Variants in CCNG1 observed in about 807,000 individuals in gnomAD.
The protein encoded by CCNG1 is cyclin-G1.
Under a neutral mutation model 30.0 loss-of-function variants are expected in CCNG1, and 13 were observed. That is an observed-to-expected ratio of 0.43 (90% CI 0.28 to 0.69). The LOEUF (loss-of-function observed/expected upper bound fraction) is 0.69. CCNG1 is among the 30% of genes least tolerant of loss of function. CCNG1 has a pLI of 0.16. For synonymous variants in CCNG1, 110 were observed against 121.5 expected (o/e 0.91, Z 0.62); for missense variants, 285 against 331.4 (o/e 0.86, Z 1.09).
chr5:163,449,171 A>T (rs1247798339), downstream of CCNG1: 2 of 152,216 alleles, frequency 1.3e-5, no homozygotes, highest in Non-Finnish European at 2.9e-5. Flanking sequence ...TGAGTTAACA[A>T]CAAAATCAGG....
In CCNG1 at chr5:163,444,301, A is replaced by G. The variant is rs1355619120; in HGVS notation, c.*631A>G. On this transcript the variant is annotated 3_prime_UTR_variant, in exon 7 of 7. Transcript: ENST00000340828. ...AAAATACAGACCTATAAAGTTTGGC[A>G]TATTCATTAAGTTATCTTTTAATAT... is the stretch of plus-strand genomic sequence containing the variant. 1.3e-5 allele frequency: 2 copies of G among 152,696 alleles called. No individual in the cohort carries two copies. Among genetic ancestry groups the G allele is most frequent in the South Asian group, 2.1e-4 (1 of 4,832 alleles). The allele number at this position is 152,696 out of a possible 1,614,324, so 9.5% of individuals were successfully genotyped here. A position where few individuals can be genotyped will look rare whatever the true frequency, so the allele number is the denominator to read the frequency against.
intron 2 of CCNG1, among the ~76,000 whole-genome samples, chr5:163,439,999 G>C (rs985648832): frequency 3.3e-5 from 5 of 151,764 alleles, no homozygotes; most frequent in African/African-American, 1.2e-4. Flanking sequence ...TGTACATGCA[G>C]TAGGGAGGAG....
At chr5:163,453,368 G>T in the CCNG1 span, 1 of 152,000 alleles carries the variant, frequency 6.6e-6, no homozygotes, top group Admixed American at 6.6e-5. Context: ...CTTCTCTTTT[G>T]TGTTAATCCA....
intron 6 of CCNG1, 95 bp from the exon 7 acceptor site, chr5:163,443,579 G>C (rs1345135295): frequency 4.4e-6 from 3 of 674,698 alleles, no homozygotes; most frequent in Non-Finnish European, 7.8e-6. Flanking sequence ...ATGTGATTAT[G>C]AATATTAGAT....
chr5:163,457,337 G>A, the CCNG1 span, among the ~76,000 whole-genome samples: 6 of 151,972 alleles, frequency 3.9e-5, no homozygotes, highest in South Asian at 2.1e-4. Flanking sequence ...TTGCCATGTT[G>A]GCCAGGGTGG....
intron 1 of CCNG1, among the ~76,000 whole-genome samples, chr5:163,438,237 C>T (rs10476439): frequency 2.1e-3 from 323 of 152,184 alleles, no homozygotes; most frequent in African/African-American, 7.5e-3. Flanking sequence ...CACCGCACCC[C>T]CCCGCCCCAA....
the CCNG1 span, chr5:163,452,354 A>G: frequency 6.6e-6 from 1 of 152,206 alleles, no homozygotes; most frequent in Non-Finnish European, 1.5e-5. Flanking sequence ...CGAGGACAGC[A>G]TGAGAAGCCT....
chr5:163,447,509 C>A (rs952146360), downstream of CCNG1: 2 of 150,630 alleles, frequency 1.3e-5, no homozygotes, highest in African/African-American at 4.9e-5. Context: ...GACAAATCTT[C>A]ATTTACAGTT....
At chr5:163,457,433 A>G in the CCNG1 span, 1 of 654,894 alleles carries the variant, frequency 1.5e-6, no homozygotes, top group Non-Finnish European at 2.7e-6. Context: ...TTGACATACA[A>G]CGGTTTTCAA....
chr5:163,443,126 G>A (rs1757903057), intron 6 of CCNG1, among the ~76,000 whole-genome samples: 1 of 152,028 alleles, frequency 6.6e-6, no homozygotes. Flanking sequence ...TGGCCAACAT[G>A]GTGAAACCCC....
downstream of CCNG1, chr5:163,450,613 G>C (rs1417377680): frequency 6.6e-6 from 1 of 152,176 alleles, no homozygotes; most frequent in Non-Finnish European, 1.5e-5. Flanking sequence ...AAACTAGATA[G>C]AGATCCCATT....
At chr5:163,454,372 G>A in the CCNG1 span, among the ~76,000 whole-genome samples, 1 of 151,874 alleles carries the variant, frequency 6.6e-6, no homozygotes, top group Non-Finnish European at 1.5e-5. Flanking sequence ...ACGGAGTTTC[G>A]CTCTTGTTGC....
At position 163,444,632 on chromosome 5, in the gene CCNG1, C is replaced by A. The variant is rs1277031750; in HGVS notation, c.*962C>A. On this transcript the variant is annotated 3_prime_UTR_variant, in exon 7 of 7. Coordinates refer to ENST00000340828, the MANE Select transcript of CCNG1 (RefSeq NM_004060.4). ...AATCTTAAGAAAAGCAAGTAGACAC[C>A]TTCATAACTATGAATGAAGCTGCTG... 1 of 152,588 alleles carries A rather than the reference C, an allele frequency of 6.6e-6. No individual in the cohort carries two copies. Among genetic ancestry groups the A allele is most frequent in the African/African-American group, 2.4e-5 (1 of 41,444 alleles). The allele number at this position is 152,588 out of a possible 1,614,324, so 9.5% of individuals were successfully genotyped here. A position where few individuals can be genotyped will look rare whatever the true frequency, so the allele number is the denominator to read the frequency against.
At chr5:163,445,620 A>ATTTTTTTTTTT (rs56065634), downstream of CCNG1, among the ~76,000 whole-genome samples, 1,827 of 107,784 alleles carry the variant, frequency 0.017, 13 homozygotes, top group Non-Finnish European at 0.024. Context: ...CACCCAGCTA[A>ATTTTTTTTTTT]TTTTTTTTTT....
the CCNG1 span, among the ~76,000 whole-genome samples, chr5:163,456,490 CAAG>C: frequency 1.3e-5 from 2 of 151,784 alleles, no homozygotes; most frequent in Non-Finnish European, 2.9e-5. Flanking sequence ...AAAAAAGCAA[CAAG>C]AAGAACAATA....
rs1466854742 is a variant in CCNG1, at chr5:163,441,560, T to C, written c.518+229T>C. On this transcript the variant is annotated intron_variant, in intron 3 of 6. Transcript: ENST00000340828. ...TACATTTTGACTTTATAGAACCTAG[T>C]AGGAAAGCATCTAACACAAATTTAT... 7 of 510,682 alleles carry C rather than the reference T, an allele frequency of 1.4e-5. No individual in the cohort carries two copies. In the East Asian group the frequency reaches 1.9e-4, roughly 14 times the overall value. 31.6% of individuals were successfully genotyped at this position (510,682 alleles called of 1,614,324 possible).
At chr5:163,454,350 A>AT in the CCNG1 span, among the ~76,000 whole-genome samples, 3 of 151,706 alleles carry the variant, frequency 2.0e-5, no homozygotes, top group Non-Finnish European at 4.4e-5. Flanking sequence ...ATTTATTATT[A>AT]TTTTTTTTGA....
In CCNG1 at chr5:163,443,853, T is replaced by G. The variant is rs538874609; in HGVS notation, c.*183T>G. 435 of 598,978 alleles carry G rather than the reference T, an allele frequency of 7.3e-4. 2 individuals are homozygous for G. Among genetic ancestry groups the G allele is most frequent in the Middle Eastern group, 8.9e-4 (2 of 2,258 alleles). The allele number at this position is 598,978 out of a possible 1,614,324, so 37.1% of individuals were successfully genotyped here. On this transcript the variant is annotated 3_prime_UTR_variant, in exon 7 of 7. Transcript: ENST00000340828. ...GCTGTAGTGGAATTATGTTTAGATTTGAATTCATCTGTGAAGCATTCAAAT... is the reference window on the plus strand; with the variant it reads ...GCTGTAGTGGAATTATGTTTAGATTGGAATTCATCTGTGAAGCATTCAAAT...
chr5:163,443,577 A>G, intron 6 of CCNG1, 97 bp from the exon 7 acceptor site: 2 of 671,560 alleles, frequency 3.0e-6, no homozygotes, highest in Non-Finnish European at 5.2e-6. Context: ...ACATGTGATT[A>G]TGAATATTAG....
Sources: allele counts gnomAD v4.1 joint callset (sites outside exome capture counted in the v4.1 genomes callset), GRCh38; gene constraint gnomAD v4.1.1; transcripts MANE v1.5; gene names NCBI Gene and HGNC (gene_info 2026-07-23, HGNC 2026-07-21).